EPHA6: variants seen among roughly 807,000 people sequenced by gnomAD.
The protein encoded by EPHA6 is ephrin type-A receptor 6.
EPHA6 carries 50 observed loss-of-function variants against 112.0 expected under a neutral mutation model. The ratio of observed to expected loss-of-function variants is 0.45; its 90% CI spans 0.36 to 0.56. EPHA6 has a LOEUF of 0.56. Among genes scored for constraint, EPHA6 ranks in the 20% least tolerant of loss-of-function variants. The pLI, the probability that EPHA6 is intolerant of heterozygous loss-of-function variation, is 0.00. For missense variants in EPHA6, 1,280 were observed against 1,417.4 expected (o/e 0.90, Z 1.56); for synonymous variants, 529 against 490.7 (o/e 1.08, Z -1.03).
At chr3:97,250,264 G>A (rs2079097705) in intron 5 of EPHA6, among the ~76,000 whole-genome samples, 1 of 152,074 alleles carries the variant, frequency 6.6e-6, no homozygotes, top group East Asian at 1.9e-4. Context: ...TTCAACAATG[G>A]ATTTTAATCA....
intron 3 of EPHA6, among the ~76,000 whole-genome samples, chr3:97,183,955 T>C (rs2077056503): frequency 6.6e-6 from 1 of 152,128 alleles, no homozygotes; most frequent in African/African-American, 2.4e-5. Flanking sequence ...TCTTCCAAAA[T>C]AATAATGGCT....
intron 2 of EPHA6, among the ~76,000 whole-genome samples, chr3:96,880,350 G>GC (rs780037810): frequency 1.3e-4 from 20 of 152,046 alleles, no homozygotes; most frequent in Non-Finnish European, 2.4e-4. Context: ...GAAAAGATGT[G>GC]CGAGAACATT....
Position 97,637,896 on chromosome 3 carries a change from C to T in EPHA6, c.2598C>T (p.Val866=), listed in dbSNP as rs1490704473. The change falls in exon 14 of 18, where the codon GTC becomes GTT. Residue 866 remains valine (V), a synonymous_variant. Coordinates refer to ENST00000389672, the MANE Select transcript of EPHA6 (RefSeq NM_001080448.3). ...AGAAGCATGATGGCCACTTCACAGT[C>T]ATCCAGTTGGTCGGAATGCTCCGAG... ...FLRKHDGHFT[V]IQLVGMLRGI... is the part of the protein sequence containing the mutation. 2 of 1,613,760 alleles carry T rather than the reference C, an allele frequency of 1.2e-6. No homozygotes were observed. The highest frequency in any genetic ancestry group is 2.7e-5 in the African/African-American group (2 of 74,930).
chr3:97,677,920 T>A (rs753841901), intron 14 of EPHA6, among the ~76,000 whole-genome samples: 1 of 152,066 alleles, frequency 6.6e-6, no homozygotes, highest in Non-Finnish European at 1.5e-5. Context: ...GATTATAATG[T>A]CAATATGAAT....
chr3:97,576,489 G>T (rs1450335154), intron 11 of EPHA6, among the ~76,000 whole-genome samples: 1 of 152,130 alleles, frequency 6.6e-6, no homozygotes, highest in African/African-American at 2.4e-5. Flanking sequence ...AGTGCACACT[G>T]GCATGTAAAT....
At chr3:97,313,073 CTGT>C (rs2081636608) in intron 5 of EPHA6, among the ~76,000 whole-genome samples, 1 of 151,472 alleles carries the variant, frequency 6.6e-6, no homozygotes, top group Non-Finnish European at 1.5e-5. Context: ...CTGTCCTTCC[CTGT>C]CTCCCCTCAG....
At chr3:97,497,807 C>G (rs2092018050) in intron 10 of EPHA6, among the ~76,000 whole-genome samples, 1 of 150,410 alleles carries the variant, frequency 6.6e-6, no homozygotes, top group Non-Finnish European at 1.5e-5. Flanking sequence ...GCATCAGACT[C>G]TCAGAAAAAA....
intron 3 of EPHA6, among the ~76,000 whole-genome samples, chr3:97,161,927 G>A (rs2076425348): frequency 6.6e-6 from 1 of 152,154 alleles, no homozygotes; most frequent in Non-Finnish European, 1.5e-5. Flanking sequence ...CTCTGCAGTA[G>A]GACAGTGAAG....
chr3:97,084,073 T>C (rs1194006391), intron 3 of EPHA6, among the ~76,000 whole-genome samples: 1 of 85,826 alleles, frequency 1.2e-5, no homozygotes, highest in East Asian at 2.5e-4. Context: ...TTAAAGTGTG[T>C]GTGTGTGTGT....
chr3:96,878,603 A>G (rs1015878988), intron 2 of EPHA6, among the ~76,000 whole-genome samples: 3 of 152,102 alleles, frequency 2.0e-5, no homozygotes, highest in African/African-American at 7.2e-5. Flanking sequence ...TGAATGTAAT[A>G]TTGTACATTT....
At chr3:97,007,926 T>C (rs1290254437) in intron 3 of EPHA6, among the ~76,000 whole-genome samples, 4 of 152,210 alleles carry the variant, frequency 2.6e-5, no homozygotes, top group Middle Eastern at 3.2e-3. Flanking sequence ...TGTTGAATAT[T>C]GGCCTCCCAC....
intron 7 of EPHA6, among the ~76,000 whole-genome samples, chr3:97,472,244 G>A (rs569427352): frequency 1.5e-3 from 222 of 151,720 alleles, no homozygotes; most frequent in Non-Finnish European, 2.3e-3. Context: ...AAATGAGAAA[G>A]ACAGATTATA....
chr3:97,452,939 G>C (rs1237963416), intron 7 of EPHA6, among the ~76,000 whole-genome samples: 1 of 151,456 alleles, frequency 6.6e-6, no homozygotes, highest in Non-Finnish European at 1.5e-5. Context: ...AGTAATATTA[G>C]CCATAACTTA....
intron 3 of EPHA6, among the ~76,000 whole-genome samples, chr3:97,136,488 A>G (rs941005706): frequency 6.6e-6 from 1 of 152,082 alleles, no homozygotes; most frequent in African/African-American, 2.4e-5. Context: ...AGACCAAGGT[A>G]GGAGGATTGC....
chr3:97,148,053 T>C (rs1440450460), intron 3 of EPHA6, among the ~76,000 whole-genome samples: 2 of 152,178 alleles, frequency 1.3e-5, no homozygotes, highest in African/African-American at 4.8e-5. Flanking sequence ...ATCTAAAGTT[T>C]ATTTATAAAA....
At chr3:97,293,679 C>G (rs1212212432) in intron 5 of EPHA6, among the ~76,000 whole-genome samples, 1 of 152,232 alleles carries the variant, frequency 6.6e-6, no homozygotes, top group African/African-American at 2.4e-5. Flanking sequence ...TAAGTTCCCA[C>G]TCTGGAGTGT....
chr3:96,904,294 C>T (rs1457877780), intron 2 of EPHA6, among the ~76,000 whole-genome samples: 1 of 151,828 alleles, frequency 6.6e-6, no homozygotes, highest in Non-Finnish European at 1.5e-5. Flanking sequence ...ATGATGAGTT[C>T]ATGTCCTTTA....
chr3:97,585,607 T>C (rs1056823569), intron 11 of EPHA6, among the ~76,000 whole-genome samples: 1 of 151,784 alleles, frequency 6.6e-6, no homozygotes, highest in African/African-American at 2.4e-5. Context: ...ACCTGAAGGA[T>C]TTTTTTAAGT....
intron 14 of EPHA6, among the ~76,000 whole-genome samples, chr3:97,688,717 G>T (rs1182626464): frequency 6.8e-6 from 1 of 146,260 alleles, no homozygotes; most frequent in Admixed American, 6.8e-5. Context: ...AGAACTTAAA[G>T]TATAATAAAA....
Sources: allele counts gnomAD v4.1 joint callset (sites outside exome capture counted in the v4.1 genomes callset), GRCh38; gene constraint gnomAD v4.1.1; transcripts MANE v1.5; gene names NCBI Gene and HGNC (gene_info 2026-07-23, HGNC 2026-07-21).